The following WNT9B variants were observed in gnomAD, a reference collection of about 807,000 sequenced individuals.
WNT9B encodes the protein protein Wnt-9b.
Under a neutral mutation model 30.2 loss-of-function variants are expected in WNT9B, and 12 were observed. The observed-to-expected ratio is 0.40, with a 90% CI of 0.26 to 0.64. The LOEUF (loss-of-function observed/expected upper bound fraction) is 0.64. Ranked by LOEUF, WNT9B falls within the 30% of genes least tolerant of loss-of-function variation. The pLI is 0.42. For synonymous variants in WNT9B, 218 were observed against 216.9 expected, an observed-to-expected ratio of 1.01 and a Z score of -0.05; for missense variants, 442 against 485.2, an observed-to-expected ratio of 0.91 and a Z score of 0.84.
intron 1 of WNT9B, among the ~76,000 whole-genome samples, chr17:46,852,631 A>G (rs1490718385): frequency 6.6e-6 from 1 of 152,004 alleles, no homozygotes; most frequent in Non-Finnish European, 1.5e-5. Flanking sequence ...GGGGGCGGGT[A>G]TCATGGGTAA....
Position 46,876,364 on chromosome 17 carries a change from G to A in WNT9B, c.720G>A (p.Leu240=), listed in dbSNP as rs1568132180. ...PFRETGQVLK[L]RYDSAVKVSS... is the part of the protein sequence containing the mutation. Reference sequence around the variant, plus strand: ...GTGAGACGGGCCAGGTGCTGAAACTGCGCTATGACTCGGCTGTCAAGGTGT... The same window carrying A: ...GTGAGACGGGCCAGGTGCTGAAACTACGCTATGACTCGGCTGTCAAGGTGT... The change falls in exon 4 of 4, where the codon CTG becomes CTA. Residue 240 remains leucine, a synonymous_variant. Coordinates refer to ENST00000290015, the MANE Select transcript of WNT9B (RefSeq NM_003396.3). 3 of 1,614,068 alleles carry A rather than the reference G, an allele frequency of 1.9e-6. No individual in the cohort carries two copies. In the East Asian group the frequency reaches 6.7e-5, roughly 36 times the overall value.
chr17:46,846,630 C>A (rs1421374429), upstream of WNT9B, among the ~76,000 whole-genome samples: 3 of 152,224 alleles, frequency 2.0e-5, no homozygotes, highest in African/African-American at 7.2e-5. Context: ...TGGGGGGCCA[C>A]CAAAGGGCTG....
chr17:46,836,743 T>C (rs1473605197), intron 1 of WNT9B, among the ~76,000 whole-genome samples: 1 of 152,088 alleles, frequency 6.6e-6, no homozygotes, highest in African/African-American at 2.4e-5. Context: ...GCCAGGGTCA[T>C]GGGGTGATGT....
Position 46,872,618 on chromosome 17 carries a change from T to C in WNT9B, c.179T>C (p.Leu60Pro), listed in dbSNP as rs1368052360. 1 of 1,613,172 alleles carries C rather than the reference T, an allele frequency of 6.2e-7. No individual in the cohort carries two copies. The highest frequency in any genetic ancestry group is 8.5e-7 in the Non-Finnish European group (1 of 1,179,776). ...CTGAAGCAGTGTGACCTGCTGAAGC[T>C]GTCCCGGCGGCAGAAGCAGCTCTGC... ...AHLKQCDLLKLSRRQKQLCRR... is the reference protein window; with the variant it reads ...AHLKQCDLLKPSRRQKQLCRR... The change falls in exon 2 of 4, where the codon CTG (leucine) becomes CCG (proline). Residue 60 changes from leucine (L) to proline (P), a missense_variant. Physicochemically the swap from Leu to Pro is moderately conservative, Grantham distance 98 (BLOSUM62 -3). Coordinates refer to ENST00000290015, the MANE Select transcript of WNT9B (RefSeq NM_003396.3).
chr17:46,880,051 CT>C lies in WNT9B; in HGVS notation c.*3334del, dbSNP rs1426724276. Among the ~76,000 whole-genome samples the C allele has an allele frequency of 6.6e-6, 1 of 152,210 alleles. No individual in the cohort carries two copies. The highest frequency in any genetic ancestry group is 1.9e-4 in the East Asian group (1 of 5,204). The stretch of plus-strand genomic sequence containing the variant: ...GAATTGTTTTCCACTGGATTTCTGG[CT>C]GCTTTTGCAAAAGTCAGCTGCGCTG... On this transcript the variant is annotated 3_prime_UTR_variant, in exon 4 of 4. Coordinates refer to ENST00000290015, the MANE Select transcript of WNT9B (RefSeq NM_003396.3).
rs1049111580 is a variant in WNT9B, at chr17:46,851,881, C to T, written c.77+166C>T. Among the ~76,000 whole-genome samples, 1 of 152,200 alleles carries T rather than the reference C, an allele frequency of 6.6e-6. No homozygotes were observed. Among genetic ancestry groups the T allele is most frequent in the Non-Finnish European group, 1.5e-5 (1 of 68,034 alleles). ...ACCCACTTCGCAGTCGGAGTTCGCG[C>T]CCTGAGTTCGGTCTCCAGCTTCCCC... On this transcript the variant is annotated intron_variant, in intron 1 of 3. Coordinates refer to ENST00000290015, the MANE Select transcript of WNT9B (RefSeq NM_003396.3). This position sits in a 1 kb window ranked among gnomAD's most constrained non-coding sequence, Gnocchi z 4.3.
At chr17:46,841,148 C>A (rs982261679) in intron 1 of WNT9B, among the ~76,000 whole-genome samples, 1 of 152,174 alleles carries the variant, frequency 6.6e-6, no homozygotes, top group Admixed American at 6.5e-5. Context: ...TCAAATTTAC[C>A]ATTTATTGAG....
chr17:46,865,802 C>T (rs1289772772), intron 1 of WNT9B, among the ~76,000 whole-genome samples: 5 of 152,062 alleles, frequency 3.3e-5, no homozygotes, highest in Admixed American at 6.6e-5. Flanking sequence ...GTAGAGACAA[C>T]GTCTCACTTA....
chr17:46,879,144 A>G lies in WNT9B; in HGVS notation c.*2426A>G, dbSNP rs558864980. Among the ~76,000 whole-genome samples the G allele has an allele frequency of 6.6e-6, 1 of 152,228 alleles. No individual in the cohort carries two copies. The highest frequency in any genetic ancestry group is 2.4e-5 in the African/African-American group (1 of 41,450). ...TTTATATAGCTAAGATATATGAGAA[A>G]GTATTTATATTATTTATATAGTTGC... On this transcript the variant is annotated 3_prime_UTR_variant, in exon 4 of 4. Coordinates refer to ENST00000290015, the MANE Select transcript of WNT9B (RefSeq NM_003396.3).
chr17:46,861,082 C>T (rs910226894), intron 1 of WNT9B, among the ~76,000 whole-genome samples: 12 of 152,202 alleles, frequency 7.9e-5, no homozygotes, highest in African/African-American at 2.7e-4. Flanking sequence ...CCAAGCCAAC[C>T]TCTTCATCTC....
chr17:46,881,971 C>T (rs2085428776), downstream of WNT9B, among the ~76,000 whole-genome samples: 3 of 152,128 alleles, frequency 2.0e-5, no homozygotes, highest in Admixed American at 2.0e-4. Flanking sequence ...TCAGACTTCC[C>T]CAATTGTCCC....
rs2146616497 is a variant in WNT9B at position 46,878,368 on chromosome 17, C to T, written c.*1650C>T. On this transcript the variant is annotated 3_prime_UTR_variant, in exon 4 of 4. Transcript: ENST00000290015. ...GGCCCGCTGACTGTGCCCTGGCCAA[C>T]TCCCTGAGACCTCCAAGGGCGAGGA... Among the ~76,000 whole-genome samples the T allele has an allele frequency of 6.6e-6, 1 of 152,378 alleles. No homozygotes were observed. The highest frequency in any genetic ancestry group is 1.9e-4 in the East Asian group (1 of 5,186).
In WNT9B at chr17:46,839,992, T is replaced by C. The variant is rs28871687; in HGVS notation, c.95+6552T>C. On this transcript the variant is annotated intron_variant, in intron 1 of 2. Coordinates refer to the WNT9B transcript ENST00000575372. ...TCTTTCTTTCTCTTCTTTCTTTCTT[T>C]TTTCTTTCTTCTTTCTTTCTTTCTT... 2.9e-3 allele frequency among the ~76,000 whole-genome samples: 342 copies of C among 117,714 alleles called. 1 individual carries two copies. Among genetic ancestry groups the C allele is most frequent in the African/African-American group, 6.6e-3 (192 of 29,062 alleles). 77.2% of individuals were successfully genotyped at this position (117,714 alleles called of 152,430 possible).
intron 1 of WNT9B, among the ~76,000 whole-genome samples, chr17:46,835,904 C>G (rs1003630564): frequency 1.3e-5 from 2 of 152,230 alleles, no homozygotes; most frequent in Non-Finnish European, 2.9e-5. Flanking sequence ...ACAGGAGACC[C>G]GGCCCTTCTC....
At chr17:46,851,060 C>G (rs78580736), upstream of WNT9B, among the ~76,000 whole-genome samples, 9 of 152,358 alleles carry the variant, frequency 5.9e-5, no homozygotes, top group African/African-American at 2.2e-4. The surrounding 1 kb of genome is among the most constrained non-coding windows in gnomAD (Gnocchi z 4.3). Context: ...GCATTTCCCC[C>G]GCTTCCAGAG....
downstream of WNT9B, among the ~76,000 whole-genome samples, chr17:46,884,061 G>A (rs530611772): frequency 9.2e-5 from 14 of 152,226 alleles, no homozygotes; most frequent in East Asian, 2.7e-3. Context: ...AGGCACGGGA[G>A]AACCTGACCC....
intron 3 of WNT9B, 43 bp from the exon 4 acceptor site, chr17:46,876,202 G>A: frequency 1.3e-6 from 2 of 1,528,628 alleles, no homozygotes; most frequent in Non-Finnish European, 1.8e-6. Context: ...CTGGCTGCTG[G>A]GCCCAGGCCT....
intron 1 of WNT9B, among the ~76,000 whole-genome samples, chr17:46,856,426 A>T (rs938300383): frequency 1.3e-5 from 2 of 152,064 alleles, no homozygotes. Flanking sequence ...GAGAAACAAA[A>T]CATAATCTTT....
upstream of WNT9B, among the ~76,000 whole-genome samples, chr17:46,847,967 A>AGAGT (rs145784523): frequency 3.3e-5 from 5 of 149,584 alleles, no homozygotes; most frequent in Non-Finnish European, 5.9e-5. Flanking sequence ...TGATTTCCAA[A>AGAGT]GTGTGTGTGT....
Sources: allele counts gnomAD v4.1 joint callset (sites outside exome capture counted in the v4.1 genomes callset), GRCh38; gene constraint gnomAD v4.1.1; non-coding constraint Gnocchi (gnomAD v3.1); transcripts MANE v1.5; gene names NCBI Gene and HGNC (gene_info 2026-07-23, HGNC 2026-07-21).